Variants in STARD13 observed in about 807,000 individuals in gnomAD.
STARD13 encodes stAR-related lipid transfer protein 13.
A neutral mutation model predicts 106.4 loss-of-function variants in STARD13; 62 were observed. The ratio of observed to expected loss-of-function variants is 0.58; its 90% CI spans 0.48 to 0.72. STARD13 has a LOEUF of 0.72. Among genes scored for constraint, STARD13 ranks in the 30% least tolerant of loss-of-function variants. The pLI, the probability that STARD13 is intolerant of heterozygous loss-of-function variation, is 0.00. For synonymous variants in STARD13, 565 were observed against 553.0 expected, an observed-to-expected ratio of 1.02 and a Z score of -0.31; for missense variants, 1,387 against 1,424.0, an observed-to-expected ratio of 0.97 and a Z score of 0.42.
At chr13:33,633,031 C>T in the STARD13 span, among the ~76,000 whole-genome samples, 1 of 152,084 alleles carries the variant, frequency 6.6e-6, no homozygotes, top group African/African-American at 2.4e-5. Context: ...GTTCAATGGA[C>T]TTATCTTGAA....
the STARD13 span, among the ~76,000 whole-genome samples, chr13:33,637,205 A>T: frequency 9.4e-4 from 143 of 152,310 alleles, no homozygotes; most frequent in African/African-American, 3.4e-3. Context: ...AGGTCTTACG[A>T]CTAGTAAGCT....
At chr13:33,550,515 C>G in the STARD13 span, among the ~76,000 whole-genome samples, 3 of 152,298 alleles carry the variant, frequency 2.0e-5, no homozygotes, top group African/African-American at 7.2e-5. Context: ...GTCCTGGTAT[C>G]AGATTTTCAT....
At chr13:33,128,298 C>T (rs528412763) in intron 5 of STARD13, among the ~76,000 whole-genome samples, 5 of 152,236 alleles carry the variant, frequency 3.3e-5, no homozygotes, top group Admixed American at 6.5e-5. Flanking sequence ...CTATATCTTG[C>T]TCAGTATTGA....
chr13:33,325,144 G>A (rs984587963), intron 1 of STARD13, among the ~76,000 whole-genome samples: 6 of 152,042 alleles, frequency 3.9e-5, no homozygotes, highest in African/African-American at 1.2e-4. Context: ...GTTTATCACA[G>A]GCAGCTTGTC....
chr13:33,346,213 T>G (rs2078015355), downstream of STARD13, among the ~76,000 whole-genome samples: 1 of 152,202 alleles, frequency 6.6e-6, no homozygotes, highest in African/African-American at 2.4e-5. Context: ...TGGAAGCAGA[T>G]CCATCAGACC....
the STARD13 span, among the ~76,000 whole-genome samples, chr13:33,578,543 A>G: frequency 1.3e-5 from 2 of 152,156 alleles, no homozygotes; most frequent in African/African-American, 4.8e-5. Flanking sequence ...AAACCATAAA[A>G]AATTCTGTAA....
At chr13:33,378,300 C>G in the STARD13 span, among the ~76,000 whole-genome samples, 1 of 152,178 alleles carries the variant, frequency 6.6e-6, no homozygotes, top group Non-Finnish European at 1.5e-5. Context: ...GGAGCTGTCA[C>G]CCCAAACATA....
At chr13:33,448,474 T>C in the STARD13 span, among the ~76,000 whole-genome samples, 92 of 152,144 alleles carry the variant, frequency 6.0e-4, no homozygotes, top group Non-Finnish European at 1.1e-3. Context: ...CCATTGTGTA[T>C]ATATACTGTA....
chr13:33,380,463 A>C, the STARD13 span, among the ~76,000 whole-genome samples: 43 of 132,990 alleles, frequency 3.2e-4, no homozygotes, highest in African/African-American at 8.0e-4. Flanking sequence ...TCACACACAC[A>C]CACCCCCACC....
At chr13:33,649,085 G>A in the STARD13 span, among the ~76,000 whole-genome samples, 1 of 152,004 alleles carries the variant, frequency 6.6e-6, no homozygotes, top group East Asian at 1.9e-4. Context: ...GAGCCACTGC[G>A]CCCAGCCTGT....
At chr13:33,460,736 A>T in the STARD13 span, among the ~76,000 whole-genome samples, 2 of 152,102 alleles carry the variant, frequency 1.3e-5, no homozygotes, top group South Asian at 4.1e-4. Flanking sequence ...CAACTCAAAA[A>T]AAACAAAAAA....
intron 4 of STARD13, among the ~76,000 whole-genome samples, chr13:33,141,861 T>G (rs1879874957): frequency 6.6e-6 from 1 of 150,944 alleles, no homozygotes; most frequent in Admixed American, 6.6e-5. Context: ...CCGAGATATT[T>G]TACATCTTTA....
At chr13:33,443,288 A>G in the STARD13 span, among the ~76,000 whole-genome samples, 1 of 151,932 alleles carries the variant, frequency 6.6e-6, no homozygotes, top group Non-Finnish European at 1.5e-5. Context: ...GAGGCAGGAG[A>G]ATGCCTTGAA....
chr13:33,156,858 T>C (rs1298024969), intron 3 of STARD13, among the ~76,000 whole-genome samples: 3 of 152,214 alleles, frequency 2.0e-5, no homozygotes, highest in Admixed American at 2.0e-4. Flanking sequence ...TATTTATTTA[T>C]AGACTCAAGA....
At chr13:33,648,390 C>T in the STARD13 span, among the ~76,000 whole-genome samples, 2 of 152,200 alleles carry the variant, frequency 1.3e-5, no homozygotes, top group Non-Finnish European at 2.9e-5. Context: ...CGGTTTCAGC[C>T]GATCTGGGGT....
At chr13:33,168,678 C>A (rs1883604100) in intron 1 of STARD13, among the ~76,000 whole-genome samples, 1 of 152,138 alleles carries the variant, frequency 6.6e-6, no homozygotes, top group Non-Finnish European at 1.5e-5. Flanking sequence ...TCCCCATAGC[C>A]AAAGCTGGAG....
chr13:33,285,497 G>C lies in STARD13; in HGVS notation c.142C>G (p.His48Asp). 1 of 1,613,966 alleles carries C rather than the reference G, an allele frequency of 6.2e-7. No individual in the cohort carries two copies. The highest frequency in any genetic ancestry group is 8.5e-7 in the Non-Finnish European group (1 of 1,179,872). ...TGTTGAATTTTAGTCACTAGCTGAT[G>C]GCGTGCTAGAATCCGGCTCATCCTG... ...PYRMSRILAR[H>D]QLVTKIQQEI... Residue 48 changes from histidine to aspartate, a missense_variant, in exon 1 of 14, where the codon CAT (histidine) becomes GAT (aspartate). Physicochemically the swap from His to Asp is moderately conservative, Grantham distance 81. Transcript: ENST00000336934.
chr13:33,468,309 T>G, the STARD13 span, among the ~76,000 whole-genome samples: 1 of 152,240 alleles, frequency 6.6e-6, no homozygotes, highest in East Asian at 1.9e-4. Context: ...AGCTTTTACC[T>G]TTTACTGCTC....
chr13:33,129,721 C>T lies in STARD13; in HGVS notation c.956G>A (p.Cys319Tyr), dbSNP rs1264057731. The part of the protein sequence containing the change: ...GDLQNSPPPA[C>Y]RKGLPCSGKS... ...GCCAGAGCATGGGAGCCCTTTTCTG[C>T]AGGCAGGTGGCGGCGAATTCTGGAG... Residue 319 changes from cysteine to tyrosine, a missense_variant, in exon 5 of 14, where the codon TGC becomes TAC. By Grantham distance (194) the Cys-to-Tyr change is radical. Coordinates refer to ENST00000336934, the MANE Select transcript of STARD13 (RefSeq NM_178006.4). 3 of 1,613,988 alleles carry T rather than the reference C, an allele frequency of 1.9e-6. No homozygotes were observed. The highest frequency in any genetic ancestry group is 2.7e-5 in the African/African-American group (2 of 74,902).
Sources: gnomAD v4.1 joint callset for allele counts (sites outside exome capture counted in the v4.1 genomes callset) on GRCh38, gnomAD v4.1.1 for gene constraint, MANE v1.5 for transcripts, NCBI Gene and HGNC (gene_info 2026-07-23, HGNC 2026-07-21) for gene names.